The following ARHGEF38 variants were observed in gnomAD, a reference collection of about 807,000 sequenced individuals.
ARHGEF38 encodes Rho guanine nucleotide exchange factor (GEF) 38.
ARHGEF38 carries 79 observed loss-of-function variants against 79.9 expected under a neutral mutation model. The observed-to-expected ratio is 0.99, with a 90% CI of 0.82 to 1.19. The LOEUF (loss-of-function observed/expected upper bound fraction) is 1.19, where lower values mean the gene tolerates loss of function less well. Among genes scored for constraint, ARHGEF38 ranks in the 50% most tolerant of loss-of-function variants. ARHGEF38 has a pLI of 0.00. For missense variants in ARHGEF38, 962 were observed against 907.2 expected, an observed-to-expected ratio of 1.06 and a Z score of -0.78; for synonymous variants, 366 against 328.3, an observed-to-expected ratio of 1.11 and a Z score of -1.24.
At chr4:105,609,874 T>C (rs555732884) in intron 2 of ARHGEF38, among the ~76,000 whole-genome samples, 1 of 152,224 alleles carries the variant, frequency 6.6e-6, no homozygotes, top group South Asian at 2.1e-4. Flanking sequence ...CCCAAAGGAA[T>C]ATTAATCATT....
At chr4:105,681,233 A>G (rs1325156403), downstream of ARHGEF38, among the ~76,000 whole-genome samples, 1 of 152,022 alleles carries the variant, frequency 6.6e-6, no homozygotes, top group Admixed American at 6.6e-5. Flanking sequence ...CTAATTTACT[A>G]CAAATAATTT....
chr4:105,625,612 C>G (rs934000147), intron 3 of ARHGEF38, among the ~76,000 whole-genome samples: 2 of 152,162 alleles, frequency 1.3e-5, no homozygotes, highest in Non-Finnish European at 2.9e-5. Flanking sequence ...AGGATGAAGA[C>G]AGTGTAAAGG....
chr4:105,557,261 T>C (rs1725295146), intron 1 of ARHGEF38, among the ~76,000 whole-genome samples: 1 of 152,156 alleles, frequency 6.6e-6, no homozygotes, highest in Non-Finnish European at 1.5e-5. Flanking sequence ...TATGTAGATA[T>C]AGATATACAT....
At chr4:105,583,514 C>T (rs911390413) in intron 1 of ARHGEF38, among the ~76,000 whole-genome samples, 5 of 152,174 alleles carry the variant, frequency 3.3e-5, no homozygotes, top group Admixed American at 1.3e-4. Context: ...ATCTGCATGA[C>T]TCTCTCACCT....
At chr4:105,648,815 T>TCTCC in intron 7 of ARHGEF38, 133 bp downstream of exon 7, 1 of 766,586 alleles carries the variant, frequency 1.3e-6, no homozygotes, top group Non-Finnish European at 1.9e-6. Context: ...TGTTCTCTTG[T>TCTCC]CTCCCTCTCT....
At chr4:105,577,098 A>AC (rs1388937398) in intron 1 of ARHGEF38, among the ~76,000 whole-genome samples, 20 of 9,640 alleles carry the variant, frequency 2.1e-3, no homozygotes, top group African/African-American at 7.7e-3. Context: ...TTCTTTCTTT[A>AC]ATTTTTTTTA....
chr4:105,631,416 G>A, intron 4 of ARHGEF38: 1 of 990,082 alleles, frequency 1.0e-6, no homozygotes, highest in Non-Finnish European at 1.2e-6. Context: ...GAGCACATGG[G>A]TTAATGGAGT....
intron 2 of ARHGEF38, among the ~76,000 whole-genome samples, chr4:105,597,702 A>G (rs553098643): frequency 1.3e-5 from 2 of 152,184 alleles, no homozygotes; most frequent in Non-Finnish European, 2.9e-5. Flanking sequence ...TATGCCATTT[A>G]TAATATGTTC....
At chr4:105,642,981 A>G (rs1729682885) in intron 5 of ARHGEF38, among the ~76,000 whole-genome samples, 1 of 152,040 alleles carries the variant, frequency 6.6e-6, no homozygotes, top group African/African-American at 2.4e-5. Context: ...TTTCTTATTT[A>G]AGGGAATTAT....
At chr4:105,660,815 T>C (rs1055053181) in intron 10 of ARHGEF38, among the ~76,000 whole-genome samples, 1 of 152,242 alleles carries the variant, frequency 6.6e-6, no homozygotes, top group Non-Finnish European at 1.5e-5. Flanking sequence ...CCATTCCCTT[T>C]TTTTAAAATA....
intron 1 of ARHGEF38, among the ~76,000 whole-genome samples, chr4:105,555,938 C>A (rs1725232308): frequency 1.3e-5 from 2 of 152,200 alleles, no homozygotes; most frequent in South Asian, 4.1e-4. Context: ...GGTACACTGG[C>A]TGAATTAAAA....
intron 13 of ARHGEF38, among the ~76,000 whole-genome samples, chr4:105,677,296 T>C (rs1196605184): frequency 1.3e-5 from 2 of 152,106 alleles, no homozygotes; most frequent in African/African-American, 2.4e-5. Flanking sequence ...ATCTCCTTAG[T>C]ATGAGGGTCT....
chr4:105,608,343 A>G (rs1031742288), intron 2 of ARHGEF38, among the ~76,000 whole-genome samples: 15 of 151,922 alleles, frequency 9.9e-5, no homozygotes, highest in African/African-American at 3.6e-4. Flanking sequence ...ATACCTATTG[A>G]CCACTTTTAT....
In ARHGEF38 at chr4:105,679,886, C is replaced by G. The variant is rs539278430; in HGVS notation, c.*1949C>G. The G allele has an allele frequency of 4.9e-6, 7 of 1,431,944 alleles. No individual in the cohort carries two copies. Among genetic ancestry groups the G allele is most frequent in the Non-Finnish European group, 6.9e-6 (7 of 1,018,554 alleles). The allele number at this position is 1,431,944 out of a possible 1,614,324, so 88.7% of individuals were successfully genotyped here. A position where few individuals can be genotyped will look rare whatever the true frequency, so the allele number is the denominator to read the frequency against. ...GTCAACTACAGGAATGTCCAAACCACGAGGAGCCACATTGGTTGCCACCAA... is the reference window on the plus strand; with the variant it reads ...GTCAACTACAGGAATGTCCAAACCAGGAGGAGCCACATTGGTTGCCACCAA... On this transcript the variant is annotated 3_prime_UTR_variant, in exon 14 of 14. Transcript: ENST00000420470.
At chr4:105,663,086 C>T (rs865843063) in intron 10 of ARHGEF38, among the ~76,000 whole-genome samples, 6 of 152,026 alleles carry the variant, frequency 3.9e-5, no homozygotes, top group Non-Finnish European at 7.4e-5. Context: ...AGAAGTATTA[C>T]GGAGATCCTG....
intron 9 of ARHGEF38, among the ~76,000 whole-genome samples, chr4:105,656,725 C>T (rs1443519626): frequency 6.6e-6 from 1 of 152,016 alleles, no homozygotes; most frequent in African/African-American, 2.4e-5. Context: ...CATGGAGTGG[C>T]CTTTTGGTGG....
At chr4:105,669,552 G>A (rs949475649) in intron 13 of ARHGEF38, among the ~76,000 whole-genome samples, 1 of 151,412 alleles carries the variant, frequency 6.6e-6, no homozygotes, top group Admixed American at 6.6e-5. Context: ...GTTATTGATT[G>A]CTGTCCAATT....
Position 105,679,415 on chromosome 4 carries a change from T to C in ARHGEF38, c.*1478T>C, listed in dbSNP as rs1731231897. The C allele has an allele frequency of 3.2e-6, 5 of 1,572,738 alleles. No homozygotes were observed. The highest frequency in any genetic ancestry group is 4.4e-6 in the Non-Finnish European group (5 of 1,144,936). ...CTGCATTACTATTCAGCTTTCTAAG[T>C]TCTTTCCAAGCACAGCTGACATCCT... On this transcript the variant is annotated 3_prime_UTR_variant, in exon 14 of 14. Coordinates refer to ENST00000420470, the MANE Select transcript of ARHGEF38 (RefSeq NM_001242729.2).
intron 2 of ARHGEF38, among the ~76,000 whole-genome samples, chr4:105,603,077 T>C (rs1727893282): frequency 6.6e-6 from 1 of 152,148 alleles, no homozygotes; most frequent in Non-Finnish European, 1.5e-5. Context: ...AGCACTTGTC[T>C]AGTTTGGGAA....
Sources: gnomAD v4.1 joint callset for allele counts (sites outside exome capture counted in the v4.1 genomes callset) on GRCh38, gnomAD v4.1.1 for gene constraint, MANE v1.5 for transcripts, NCBI Gene and HGNC (gene_info 2026-07-23, HGNC 2026-07-21) for gene names.